Variants in FBXL7 observed in about 807,000 individuals in gnomAD.
FBXL7 encodes F-box/LRR-repeat protein 7.
In FBXL7, 12 loss-of-function variants were observed where a neutral mutation model predicts 38.3. The observed-to-expected ratio is 0.31, with a 90% CI of 0.20 to 0.51. The LOEUF is 0.51. FBXL7 is among the 20% of genes least tolerant of loss of function. The pLI is 0.98. For missense variants in FBXL7, 567 were observed against 676.4 expected (o/e 0.84, Z 1.79); for synonymous variants, 297 against 300.9 (o/e 0.99, Z 0.13).
chr5:15,863,631 A>G (rs146905030), intron 2 of FBXL7, among the ~76,000 whole-genome samples: 4 of 152,274 alleles, frequency 2.6e-5, no homozygotes, highest in Non-Finnish European at 5.9e-5. Context: ...TTGAAATTTC[A>G]TCAGTGTGTC....
chr5:15,588,384 A>ATTT (rs369831084), intron 1 of FBXL7, among the ~76,000 whole-genome samples: 29 of 137,710 alleles, frequency 2.1e-4, no homozygotes, highest in South Asian at 4.7e-4. Context: ...CTATGTTGTA[A>ATTT]TTTTTTTTTT....
intron 1 of FBXL7, among the ~76,000 whole-genome samples, chr5:15,517,165 C>T (rs1475233848): frequency 1.3e-5 from 2 of 151,974 alleles, no homozygotes; most frequent in South Asian, 2.1e-4. Context: ...TAGCTGGGAC[C>T]ACAGTCGCCC....
chr5:15,820,687 A>G (rs1007952620), intron 2 of FBXL7, among the ~76,000 whole-genome samples: 1 of 151,934 alleles, frequency 6.6e-6, no homozygotes, highest in African/African-American at 2.4e-5. Context: ...TTAGTTCTGG[A>G]TTTCTCCGCA....
chr5:15,616,405 G>A (rs1018506135), intron 2 of FBXL7, among the ~76,000 whole-genome samples: 1 of 152,120 alleles, frequency 6.6e-6, no homozygotes, highest in Non-Finnish European at 1.5e-5. Context: ...TAAAATCCTT[G>A]TGCTGTAGTT....
At chr5:15,629,246 G>C (rs1282964181) in intron 2 of FBXL7, among the ~76,000 whole-genome samples, 1 of 152,064 alleles carries the variant, frequency 6.6e-6, no homozygotes, top group Non-Finnish European at 1.5e-5. Context: ...CCGCACTTCA[G>C]CCTGGGAAAC....
chr5:15,759,061 C>T (rs371551062), intron 2 of FBXL7, among the ~76,000 whole-genome samples: 152 of 152,282 alleles, frequency 1.0e-3, no homozygotes, highest in African/African-American at 3.4e-3. Context: ...TTAAAATAAT[C>T]GTGGCCACAC....
At chr5:15,921,984 C>G (rs1325825424) in intron 2 of FBXL7, among the ~76,000 whole-genome samples, 1 of 152,038 alleles carries the variant, frequency 6.6e-6, no homozygotes, top group Non-Finnish European at 1.5e-5. Flanking sequence ...TGGGCACATA[C>G]CCAAAGGAGA....
intron 2 of FBXL7, among the ~76,000 whole-genome samples, chr5:15,838,560 C>T (rs941620277): frequency 2.0e-5 from 3 of 152,200 alleles, no homozygotes; most frequent in African/African-American, 7.2e-5. Context: ...GATAAGCACA[C>T]CCTAGACGGA....
rs1742174858 is a variant in FBXL7, at chr5:15,936,083, A to G, written c.740-367A>G. 6.6e-6 allele frequency among the ~76,000 whole-genome samples: 1 copy of G among 152,132 alleles called. No individual in the cohort carries two copies. Among genetic ancestry groups the G allele is most frequent in the Non-Finnish European group, 1.5e-5 (1 of 68,030 alleles). ...GCAAGATATTTACACACATCCTCTC[A>G]TTACTCCATCCCAGCTGCCTCCCAG... On this transcript the variant is annotated intron_variant, in intron 3 of 3. Transcript: ENST00000504595. The surrounding 1 kb of genome is among the most constrained non-coding windows in gnomAD (Gnocchi z 6.0).
intron 1 of FBXL7, among the ~76,000 whole-genome samples, chr5:15,547,338 T>C (rs1200275732): frequency 1.3e-5 from 2 of 152,182 alleles, no homozygotes; most frequent in East Asian, 1.9e-4. Context: ...TGAGCTGGTG[T>C]CTGGGGAGCC....
intron 2 of FBXL7, among the ~76,000 whole-genome samples, chr5:15,628,426 T>G (rs1740887824): frequency 6.6e-6 from 1 of 152,078 alleles, no homozygotes; most frequent in Non-Finnish European, 1.5e-5. Context: ...GCCCATAAGG[T>G]GACATGTTCC....
intron 1 of FBXL7, among the ~76,000 whole-genome samples, chr5:15,540,645 C>T (rs1424598267): frequency 5.9e-5 from 9 of 151,838 alleles, no homozygotes; most frequent in Middle Eastern, 3.2e-3. Flanking sequence ...GACATTTATT[C>T]TTTAAAAAGA....
intron 2 of FBXL7, among the ~76,000 whole-genome samples, chr5:15,791,768 C>G (rs1737283112): frequency 6.6e-6 from 1 of 152,122 alleles, no homozygotes; most frequent in Admixed American, 6.6e-5. Flanking sequence ...CCTGACTTCT[C>G]TCTTCTCCTT....
chr5:15,860,472 T>C (rs984124388), intron 2 of FBXL7, among the ~76,000 whole-genome samples: 1 of 152,224 alleles, frequency 6.6e-6, no homozygotes, highest in African/African-American at 2.4e-5. Flanking sequence ...GATCCAAGCC[T>C]TGCACATCGT....
chr5:15,800,818 C>T (rs1427638600), intron 2 of FBXL7, among the ~76,000 whole-genome samples: 1 of 152,192 alleles, frequency 6.6e-6, no homozygotes. Flanking sequence ...GAAGTTCCTG[C>T]ATCCAAACCT....
intron 2 of FBXL7, among the ~76,000 whole-genome samples, chr5:15,913,976 T>A (rs1199748092): frequency 6.6e-6 from 1 of 152,246 alleles, no homozygotes; most frequent in Non-Finnish European, 1.5e-5. Flanking sequence ...CAAAAGTTTC[T>A]GTTACATCTT....
At chr5:15,505,197 C>T (rs34483645) in intron 1 of FBXL7, among the ~76,000 whole-genome samples, 5 of 152,154 alleles carry the variant, frequency 3.3e-5, no homozygotes, top group East Asian at 1.9e-4. Context: ...TTTCTATGTC[C>T]GGGCATAATT....
intron 2 of FBXL7, among the ~76,000 whole-genome samples, chr5:15,927,162 T>A (rs1481661649): frequency 6.6e-6 from 1 of 152,074 alleles, no homozygotes; most frequent in Non-Finnish European, 1.5e-5. Flanking sequence ...TGGTCTGCTT[T>A]TATAAATTAG....
rs949064397 is a variant in FBXL7 at position 15,916,448 on chromosome 5, G to C, written c.128-11442G>C. Among the ~76,000 whole-genome samples, 4 of 152,136 alleles carry C rather than the reference G, an allele frequency of 2.6e-5. No homozygotes were observed. In the South Asian group the frequency reaches 8.3e-4, roughly 32 times the overall value. Reference sequence around the variant, plus strand: ...GGCAATTGCTGAAGCCTTGTGGGCCGTGAGCCCATCGAGCAGGGAGCCAGA... The same window carrying C: ...GGCAATTGCTGAAGCCTTGTGGGCCCTGAGCCCATCGAGCAGGGAGCCAGA... On this transcript the variant is annotated intron_variant, in intron 2 of 3. Transcript: ENST00000504595.
Sources: allele counts gnomAD v4.1 joint callset (sites outside exome capture counted in the v4.1 genomes callset), GRCh38; gene constraint gnomAD v4.1.1; non-coding constraint Gnocchi (gnomAD v3.1); transcripts MANE v1.5; gene names NCBI Gene and HGNC (gene_info 2026-07-23, HGNC 2026-07-21).